Variants in MTERF3 observed in about 807,000 individuals in gnomAD.
MTERF3 encodes transcription termination factor 3, mitochondrial.
A neutral mutation model predicts 40.5 loss-of-function variants in MTERF3; 40 were observed. That is an observed-to-expected ratio of 0.99 (90% CI 0.77 to 1.29). The LOEUF is 1.29. Ranked by LOEUF, MTERF3 falls within the 50% of genes most tolerant of loss-of-function variation. The probability of loss-of-function intolerance (pLI) is 0.00; values close to 1 mark genes in which losing one functional copy is unlikely to be tolerated. For missense variants in MTERF3, 452 were observed against 478.2 expected (o/e 0.95, Z 0.51); for synonymous variants, 158 against 166.6 (o/e 0.95, Z 0.40).
intron 4 of MTERF3, among the ~76,000 whole-genome samples, chr8:96,250,637 A>AGAGGAAGAAGAAGAG (rs1563548725): frequency 7.6e-5 from 2 of 26,238 alleles, no homozygotes; most frequent in Non-Finnish European, 1.8e-4. Context: ...AAGAAGAAGA[A>AGAGGAAGAAGAAGAG]GAAGAAGAAG....
chr8:96,250,813 C>A, intron 4 of MTERF3, 93 bp downstream of exon 4: 2 of 1,225,616 alleles, frequency 1.6e-6, no homozygotes, highest in South Asian at 1.4e-5. Flanking sequence ...CTCAGTAGAC[C>A]CTTGTGCAGC....
intron 4 of MTERF3, among the ~76,000 whole-genome samples, chr8:96,250,655 AGAAGAAGAAG>A (rs1810147608): frequency 7.9e-5 from 3 of 37,806 alleles, no homozygotes; most frequent in African/African-American, 3.4e-4. Flanking sequence ...AAGAAGAAGA[AGAAGAAGAAG>A]AAGAAGAAGA....
At chr8:96,242,273 C>T (rs1332465850) in intron 7 of MTERF3, among the ~76,000 whole-genome samples, 1 of 152,156 alleles carries the variant, frequency 6.6e-6, no homozygotes, top group East Asian at 1.9e-4. Context: ...CACAATTCTA[C>T]AACAGAGCTT....
At chr8:96,259,619 T>C (rs1318738235) in intron 1 of MTERF3, among the ~76,000 whole-genome samples, 1 of 152,212 alleles carries the variant, frequency 6.6e-6, no homozygotes, top group African/African-American at 2.4e-5. Flanking sequence ...ACATTATCCA[T>C]ATAAAACACA....
At chr8:96,245,155 C>T (rs1809998488) in intron 6 of MTERF3, among the ~76,000 whole-genome samples, 1 of 152,086 alleles carries the variant, frequency 6.6e-6, no homozygotes, top group Non-Finnish European at 1.5e-5. Flanking sequence ...AGATTGTAAG[C>T]TCCTTGGGAG....
At chr8:96,239,868 A>C in intron 7 of MTERF3, 183 bp from the exon 8 acceptor site, 1 of 701,930 alleles carries the variant, frequency 1.4e-6, no homozygotes, top group Non-Finnish European at 2.6e-6. Context: ...AGAAAAAGGG[A>C]TTCAAAATCA....
In MTERF3 at chr8:96,239,409, A is replaced by G; in HGVS notation, c.*82T>C. On this transcript the variant is annotated 3_prime_UTR_variant, in exon 8 of 8. Transcript: ENST00000287025. Reference sequence around the variant, plus strand: ...ATCAAATGGTTTCCAATATCAGTTGAGACCCGAGGCATTTAAAAATATATT... The same window carrying G: ...ATCAAATGGTTTCCAATATCAGTTGGGACCCGAGGCATTTAAAAATATATT... 2.7e-6 allele frequency: 3 copies of G among 1,110,256 alleles called. No homozygotes were observed. Among genetic ancestry groups the G allele is most frequent in the Non-Finnish European group, 3.7e-6 (3 of 803,032 alleles). The allele number at this position is 1,110,256 out of a possible 1,614,324, so 68.8% of individuals were successfully genotyped here.
At chr8:96,255,901 G>T (rs944298742) in intron 3 of MTERF3, among the ~76,000 whole-genome samples, 4 of 150,680 alleles carry the variant, frequency 2.7e-5, no homozygotes, top group Non-Finnish European at 5.9e-5. Context: ...CTGGCAAGTG[G>T]TAAGTGATCA....
Position 96,258,521 on chromosome 8 carries a change from C to A in MTERF3, c.170G>T (p.Gly57Val), listed in dbSNP as rs372872715. 4.3e-6 allele frequency: 7 copies of A among 1,613,984 alleles called. No individual in the cohort carries two copies. The African/African-American group carries it at 8.0e-5, about 18-fold the overall frequency. The change falls in exon 2 of 8, where the codon GGA (glycine) becomes GTA (valine). Residue 57 changes from glycine to valine, a missense_variant. By Grantham distance (109) the Gly-to-Val change is moderately radical. Coordinates refer to ENST00000287025, the MANE Select transcript of MTERF3 (RefSeq NM_015942.5). ...GGAGGAAGTCCTGTAAGTCTTAAAT[C>A]CCCACTGGAGAAAGCAATTGTCAGA... ...ISSDNCFLQW[G>V]FKTYRTSSLW...
At chr8:96,241,046 C>T (rs1809918024) in intron 7 of MTERF3, among the ~76,000 whole-genome samples, 3 of 152,092 alleles carry the variant, frequency 2.0e-5, no homozygotes, top group East Asian at 1.9e-4. Context: ...TTATGGATAA[C>T]GAAGATGTAA....
chr8:96,258,708 G>A lies in MTERF3; in HGVS notation c.-10-8C>T, dbSNP rs1336538398. On this transcript the variant is annotated splice_region_variant and splice_polypyrimidine_tract_variant and intron_variant, in intron 1 of 7. Coordinates refer to ENST00000287025, the MANE Select transcript of MTERF3 (RefSeq NM_015942.5). The stretch of plus-strand genomic sequence containing the variant: ...AAAGCCATTTTTCTTAGTCTACAAA[G>A]GAAAGATATAACCGTCAAAAGAAGA... The A allele has an allele frequency of 1.9e-6, 3 of 1,550,940 alleles. No individual in the cohort carries two copies. The highest frequency in any genetic ancestry group is 2.6e-6 in the Non-Finnish European group (3 of 1,141,920).
chr8:96,260,533 C>T (rs560963965), intron 1 of MTERF3, among the ~76,000 whole-genome samples: 19 of 152,174 alleles, frequency 1.2e-4, no homozygotes, highest in African/African-American at 4.3e-4. Context: ...ATTCTTAAGG[C>T]CCCTATCAGC....
At chr8:96,260,391 C>T (rs889706777) in intron 1 of MTERF3, 1 of 148,176 alleles carries the variant, frequency 6.7e-6, no homozygotes, top group Non-Finnish European at 1.5e-5. Flanking sequence ...GGTTGTGCTA[C>T]CTTGACAAGG....
chr8:96,244,208 G>A, intron 6 of MTERF3, 128 bp from the exon 7 acceptor site: 1 of 683,080 alleles, frequency 1.5e-6, no homozygotes, highest in African/African-American at 1.8e-5. Flanking sequence ...GGAGTGCAGT[G>A]GCATGATCTC....
intron 3 of MTERF3, among the ~76,000 whole-genome samples, chr8:96,253,999 C>A (rs1810236456): frequency 6.6e-6 from 1 of 152,024 alleles, no homozygotes. Context: ...CAGAGCAAGA[C>A]CCTGTGTCAA....
chr8:96,246,662 T>G (rs1810027586), intron 4 of MTERF3, among the ~76,000 whole-genome samples: 1 of 152,182 alleles, frequency 6.6e-6, no homozygotes, highest in African/African-American at 2.4e-5. Context: ...TGGTTTCCAC[T>G]TATACTTAAA....
chr8:96,250,651 A>AAGG (rs1810145820), intron 4 of MTERF3, among the ~76,000 whole-genome samples: 1 of 27,328 alleles, frequency 3.7e-5, no homozygotes, highest in Non-Finnish European at 9.0e-5. Context: ...GAAGAAGAAG[A>AAGG]AGAAGAAGAA....
chr8:96,249,961 G>A (rs1412487411), intron 4 of MTERF3, among the ~76,000 whole-genome samples: 1 of 152,140 alleles, frequency 6.6e-6, no homozygotes. Context: ...AATGACAGGT[G>A]GGGGCGACGA....
At chr8:96,253,307 T>C (rs537629760) in intron 3 of MTERF3, among the ~76,000 whole-genome samples, 1 of 152,116 alleles carries the variant, frequency 6.6e-6, no homozygotes, top group African/African-American at 2.4e-5. Flanking sequence ...CTAGAGGCTA[T>C]TAAGGAAGGG....
Sources: allele counts gnomAD v4.1 joint callset (sites outside exome capture counted in the v4.1 genomes callset), GRCh38; gene constraint gnomAD v4.1.1; transcripts MANE v1.5; gene names NCBI Gene and HGNC (gene_info 2026-07-23, HGNC 2026-07-21).